The following LRCH1 variants were observed in gnomAD, a reference collection of about 807,000 sequenced individuals.
LRCH1 encodes the protein leucine rich repeats and calponin homology domain containing 1.
Under a neutral mutation model 94.9 loss-of-function variants are expected in LRCH1, and 23 were observed. The ratio of observed to expected loss-of-function variants is 0.24; its 90% CI spans 0.17 to 0.34. The LOEUF (loss-of-function observed/expected upper bound fraction) is 0.34. Among genes scored for constraint, LRCH1 ranks in the 10% least tolerant of loss-of-function variants. The probability of loss-of-function intolerance (pLI) is 1.00; values close to 1 mark genes in which losing one functional copy is unlikely to be tolerated. For missense variants in LRCH1, 790 were observed against 945.9 expected, an observed-to-expected ratio of 0.84 and a Z score of 2.16; for synonymous variants, 364 against 354.9, an observed-to-expected ratio of 1.03 and a Z score of -0.29.
intron 1 of LRCH1, among the ~76,000 whole-genome samples, chr13:46,633,556 C>T (rs1483342765): frequency 1.6e-4 from 24 of 152,200 alleles, no homozygotes; most frequent in Admixed American, 1.5e-3. Context: ...CAAGCCTTCA[C>T]GTTTCAAGAA....
intron 1 of LRCH1, among the ~76,000 whole-genome samples, chr13:46,589,593 C>CTTTTTTTTTTTTTT (rs762747151): frequency 2.6e-5 from 2 of 77,712 alleles, no homozygotes; most frequent in East Asian, 9.2e-4. Flanking sequence ...AGTTCTCTCA[C>CTTTTTTTTTTTTTT]TTTTTTTTTT....
intron 3 of LRCH1, among the ~76,000 whole-genome samples, chr13:46,677,066 C>T (rs932435839): frequency 4.6e-5 from 7 of 152,078 alleles, no homozygotes; most frequent in African/African-American, 1.7e-4. Flanking sequence ...AGGCATGAAA[C>T]ATCGTGCCCG....
At chr13:46,597,185 G>C (rs912704801) in intron 1 of LRCH1, among the ~76,000 whole-genome samples, 1 of 152,176 alleles carries the variant, frequency 6.6e-6, no homozygotes, top group Admixed American at 6.5e-5. Context: ...CACGTACCCG[G>C]TGGAGGTTGA....
In LRCH1 at chr13:46,553,216, C is replaced by G. The variant is rs1023827412; in HGVS notation, c.-181C>G. 129 of 568,838 alleles carry G rather than the reference C, an allele frequency of 2.3e-4. No individual in the cohort carries two copies. The highest frequency in any genetic ancestry group is 3.5e-4 in the Non-Finnish European group (114 of 323,590). 35.2% of individuals were successfully genotyped at this position (568,838 alleles called of 1,614,324 possible). ...ACAGGAAACCTTCAAGACCGAGCTG[C>G]CACGGCCGCCTCCCCGCCCGCCCCC... is the stretch of plus-strand genomic sequence containing the variant. On this transcript the variant is annotated 5_prime_UTR_variant, in exon 1 of 20. Coordinates refer to ENST00000389797, the MANE Select transcript of LRCH1 (RefSeq NM_001164211.2).
At chr13:46,734,036 A>G in intron 19 of LRCH1, 38 bp downstream of exon 19, 1 of 1,193,012 alleles carries the variant, frequency 8.4e-7, no homozygotes, top group Non-Finnish European at 1.2e-6. Context: ...GTGTTCTAGT[A>G]AAAATTTTAT....
chr13:46,686,801 C>A (rs187792409), intron 5 of LRCH1, among the ~76,000 whole-genome samples: 18 of 152,206 alleles, frequency 1.2e-4, no homozygotes, highest in East Asian at 7.7e-4. Context: ...TCACAGTGAA[C>A]CCTTGAGTGA....
At chr13:46,634,067 A>G (rs555103873) in intron 1 of LRCH1, among the ~76,000 whole-genome samples, 42 of 151,714 alleles carry the variant, frequency 2.8e-4, no homozygotes, top group Admixed American at 5.2e-4. Context: ...TTTAGTAGAG[A>G]CGGGGTTTCA....
chr13:46,556,548 C>T (rs2050068032), intron 1 of LRCH1, among the ~76,000 whole-genome samples: 1 of 152,118 alleles, frequency 6.6e-6, no homozygotes, highest in South Asian at 2.1e-4. Context: ...AACAGAAGAG[C>T]CACTATCAGC....
chr13:46,554,082 T>C (rs1025723360), intron 1 of LRCH1, among the ~76,000 whole-genome samples: 13 of 152,216 alleles, frequency 8.5e-5, no homozygotes, highest in African/African-American at 2.4e-4. Context: ...GTCGGCTTCC[T>C]GGGCCCCGCG....
chr13:46,743,002 A>G lies in LRCH1; in HGVS notation c.*1154A>G. 2 of 985,440 alleles carry G rather than the reference A, an allele frequency of 2.0e-6. No individual in the cohort carries two copies. The highest frequency in any genetic ancestry group is 1.7e-5 in the African/African-American group (1 of 57,366). The allele number at this position is 985,440 out of a possible 1,614,324, so 61.0% of individuals were successfully genotyped here. On this transcript the variant is annotated 3_prime_UTR_variant, in exon 20 of 20. Transcript: ENST00000389797. ...CAGTTTGCATTTAAAAGGAAAAAAA[A>G]GAATTTTATCTTAGCCAGAATGTCC...
Position 46,742,247 on chromosome 13 carries a change from A to G in LRCH1, c.*399A>G, listed in dbSNP as rs754312396. On this transcript the variant is annotated 3_prime_UTR_variant, in exon 20 of 20. Coordinates refer to ENST00000389797, the MANE Select transcript of LRCH1 (RefSeq NM_001164211.2). ...CATATGGAAGTCTTTCCTTTGGGTC[A>G]GTATTGAACTAGAATTCTAATTCGG... 1.6e-5 allele frequency: 17 copies of G among 1,069,702 alleles called. No homozygotes were observed. The highest frequency in any genetic ancestry group is 1.9e-5 in the Non-Finnish European group (17 of 881,842). 66.3% of individuals were successfully genotyped at this position (1,069,702 alleles called of 1,614,324 possible).
intron 1 of LRCH1, among the ~76,000 whole-genome samples, chr13:46,591,085 C>T (rs1349650916): frequency 6.6e-6 from 1 of 152,052 alleles, no homozygotes; most frequent in East Asian, 1.9e-4. Flanking sequence ...TCCCTTCCTG[C>T]CTGGACATTC....
At chr13:46,717,897 A>G (rs1368123931) in intron 16 of LRCH1, among the ~76,000 whole-genome samples, 1 of 152,184 alleles carries the variant, frequency 6.6e-6, no homozygotes, top group Non-Finnish European at 1.5e-5. Context: ...AAAATTGGCA[A>G]CCTGGGTAGA....
rs542637418 is a variant in LRCH1, at chr13:46,565,034, G to A, written c.307+11331G>A. On this transcript the variant is annotated intron_variant, in intron 1 of 19. Transcript: ENST00000389797. ...TGGGTCTTTGTCCCTGCTCTGCCAG[G>A]ACATGGCTACTACTTCACTTCCCTG... 2.0e-5 allele frequency among the ~76,000 whole-genome samples: 3 copies of A among 152,322 alleles called. No individual in the cohort carries two copies. In the South Asian group the frequency reaches 6.2e-4, roughly 32 times the overall value.
At chr13:46,715,753 G>C in intron 16 of LRCH1, 89 bp downstream of exon 16, 3 of 820,954 alleles carry the variant, frequency 3.7e-6, no homozygotes, top group Non-Finnish European at 6.0e-6. Context: ...TGAAGATAGA[G>C]TATATTCACC....
exon 19 of LRCH1, chr13:46,750,686 T>C: frequency 7.0e-7 from 1 of 1,428,520 alleles, no homozygotes; most frequent in Non-Finnish European, 9.7e-7. Context: ...CAGACTCTGC[T>C]CTCATCCAGG....
chr13:46,672,781 C>A (rs2051618464), intron 3 of LRCH1, among the ~76,000 whole-genome samples: 1 of 152,172 alleles, frequency 6.6e-6, no homozygotes, highest in Non-Finnish European at 1.5e-5. Flanking sequence ...ACTGCTGAAC[C>A]CACAGGTTCT....
chr13:46,648,893 C>T (rs2051256632), intron 1 of LRCH1, among the ~76,000 whole-genome samples: 1 of 152,042 alleles, frequency 6.6e-6, no homozygotes, highest in Admixed American at 6.6e-5. Flanking sequence ...TTTTACATAT[C>T]CTTGAAGATG....
intron 6 of LRCH1, among the ~76,000 whole-genome samples, chr13:46,688,357 T>C (rs1014530639): frequency 2.0e-5 from 3 of 152,204 alleles, no homozygotes; most frequent in African/African-American, 7.2e-5. Context: ...TTAGCAATTA[T>C]TAATGTTGAA....
Sources: allele counts gnomAD v4.1 joint callset (sites outside exome capture counted in the v4.1 genomes callset), GRCh38; gene constraint gnomAD v4.1.1; transcripts MANE v1.5; gene names NCBI Gene and HGNC (gene_info 2026-07-23, HGNC 2026-07-21).